MICU1: variants seen among roughly 807,000 people sequenced by gnomAD.
The protein encoded by MICU1 is mitochondrial calcium uptake 1, also known as calcium uptake protein 1, mitochondrial.
In MICU1, 45 loss-of-function variants were observed where a neutral mutation model predicts 56.8. The observed-to-expected ratio is 0.79, with a 90% CI of 0.62 to 1.02. The LOEUF is 1.02. Ranked by LOEUF, MICU1 falls within the 50% of genes least tolerant of loss-of-function variation. MICU1 has a pLI of 0.00. For synonymous variants in MICU1, 186 were observed against 195.1 expected, an observed-to-expected ratio of 0.95 and a Z score of 0.39; for missense variants, 504 against 587.1, an observed-to-expected ratio of 0.86 and a Z score of 1.46.
chr10:72,473,671 TCAAA>T (rs148023812), intron 8 of MICU1, among the ~76,000 whole-genome samples: 491 of 152,118 alleles, frequency 3.2e-3, no homozygotes, highest in African/African-American at 0.011. Context: ...CAGGGAAAAC[TCAAA>T]CAGACAGGGG....
chr10:72,458,150 G>A (rs542550864), intron 8 of MICU1, among the ~76,000 whole-genome samples: 3 of 147,610 alleles, frequency 2.0e-5, no homozygotes, highest in African/African-American at 7.5e-5. Context: ...TGGGCAACAA[G>A]AGTAAAAATC....
intron 8 of MICU1, among the ~76,000 whole-genome samples, chr10:72,425,719 C>T (rs1864324993): frequency 6.6e-6 from 1 of 152,086 alleles, no homozygotes; most frequent in Admixed American, 6.6e-5. Context: ...AGGCAGGAAC[C>T]CCCTTATTTC....
chr10:72,491,180 C>A (rs1866643519), intron 6 of MICU1, among the ~76,000 whole-genome samples: 1 of 152,224 alleles, frequency 6.6e-6, no homozygotes, highest in African/African-American at 2.4e-5. Flanking sequence ...GGTGCTGAGA[C>A]AAGTTGGATG....
intron 10 of MICU1, among the ~76,000 whole-genome samples, chr10:72,398,032 A>C (rs921255608): frequency 6.6e-6 from 1 of 152,234 alleles, no homozygotes; most frequent in Non-Finnish European, 1.5e-5. Context: ...CATAATTGGA[A>C]GTAAAGTACT....
chr10:72,500,318 T>A (rs1212474296), intron 6 of MICU1, among the ~76,000 whole-genome samples: 53 of 93,632 alleles, frequency 5.7e-4, no homozygotes, highest in African/African-American at 2.0e-3. Flanking sequence ...TTTTTTTTTT[T>A]TTTTTTTTTT....
At chr10:72,405,393 G>A (rs570932877) in intron 10 of MICU1, among the ~76,000 whole-genome samples, 9 of 151,520 alleles carry the variant, frequency 5.9e-5, no homozygotes, top group African/African-American at 1.5e-4. Flanking sequence ...CTAATTTTTT[G>A]TATTTCTAGT....
At chr10:72,523,699 C>T in intron 5 of MICU1, 1 of 726,074 alleles carries the variant, frequency 1.4e-6, no homozygotes, top group Non-Finnish European at 2.0e-6. Flanking sequence ...TTAAGACTGC[C>T]AGCCACCAGA....
intron 2 of MICU1, among the ~76,000 whole-genome samples, chr10:72,564,740 A>G (rs1248385719): frequency 6.6e-6 from 1 of 152,018 alleles, no homozygotes; most frequent in Non-Finnish European, 1.5e-5. Context: ...AAAAGGAAAA[A>G]GTCACACAGA....
At chr10:72,456,950 T>TGTGTGTGTGGGG (rs1294043379) in intron 8 of MICU1, among the ~76,000 whole-genome samples, 48 of 99,268 alleles carry the variant, frequency 4.8e-4, no homozygotes, top group African/African-American at 2.8e-3. Flanking sequence ...TGCCCAGGTG[T>TGTGTGTGTGGGG]GTGTGTGTGT....
At chr10:72,417,296 C>T (rs1013944239) in intron 9 of MICU1, among the ~76,000 whole-genome samples, 1 of 151,836 alleles carries the variant, frequency 6.6e-6, no homozygotes, top group Non-Finnish European at 1.5e-5. Context: ...ACTAAAAACA[C>T]ACAAAAAATT....
At chr10:72,602,882 C>T (rs1037410871) in intron 1 of MICU1, among the ~76,000 whole-genome samples, 3 of 151,718 alleles carry the variant, frequency 2.0e-5, no homozygotes, top group South Asian at 2.1e-4. Context: ...CCGAGGCAGG[C>T]GGATCACGAG....
chr10:72,479,215 T>C (rs754912395), intron 6 of MICU1, among the ~76,000 whole-genome samples: 6 of 152,210 alleles, frequency 3.9e-5, no homozygotes, highest in Non-Finnish European at 8.8e-5. Context: ...GAAGTGGGAA[T>C]TGAACTTAAG....
chr10:72,620,898 T>C (rs564027126), intron 1 of MICU1, among the ~76,000 whole-genome samples: 1 of 152,346 alleles, frequency 6.6e-6, no homozygotes, highest in South Asian at 2.1e-4. Context: ...CACAGGTATC[T>C]TATCTACAGG....
intron 5 of MICU1, chr10:72,523,769 G>C (rs1013703307): frequency 7.2e-7 from 1 of 1,389,798 alleles, no homozygotes; most frequent in Non-Finnish European, 9.4e-7. Flanking sequence ...CCATTAAAGA[G>C]CCCAAGCCTT....
chr10:72,438,534 G>A (rs1864812484), intron 8 of MICU1, among the ~76,000 whole-genome samples: 1 of 152,028 alleles, frequency 6.6e-6, no homozygotes, highest in Admixed American at 6.6e-5. Flanking sequence ...CAGAAGGCAA[G>A]AAATAACTAA....
chr10:72,515,326 C>G (rs1169840826), intron 5 of MICU1, among the ~76,000 whole-genome samples: 1 of 152,156 alleles, frequency 6.6e-6, no homozygotes, highest in Non-Finnish European at 1.5e-5. Flanking sequence ...TTTTTGGCAG[C>G]TTAATTTTTG....
intron 8 of MICU1, among the ~76,000 whole-genome samples, chr10:72,456,100 A>G (rs1865450068): frequency 6.6e-6 from 1 of 152,200 alleles, no homozygotes; most frequent in Admixed American, 6.5e-5. Flanking sequence ...GACTGTGGCA[A>G]CTATGAACAG....
chr10:72,480,455 G>C (rs1307724528), intron 6 of MICU1, among the ~76,000 whole-genome samples: 3 of 152,216 alleles, frequency 2.0e-5, no homozygotes, highest in African/African-American at 7.2e-5. Flanking sequence ...GGATTTATGG[G>C]CATACAAGTG....
At chr10:72,488,951 G>A (rs1052671837) in intron 6 of MICU1, among the ~76,000 whole-genome samples, 3 of 152,044 alleles carry the variant, frequency 2.0e-5, no homozygotes, top group Non-Finnish European at 4.4e-5. Context: ...AATAACTAAC[G>A]ATTACTTAGG....
Sources: allele counts gnomAD v4.1 joint callset (sites outside exome capture counted in the v4.1 genomes callset), GRCh38; gene constraint gnomAD v4.1.1; transcripts MANE v1.5; gene names NCBI Gene and HGNC (gene_info 2026-07-23, HGNC 2026-07-21).